The following EXT2 variants were observed in gnomAD, a reference collection of about 807,000 sequenced individuals.
The protein encoded by EXT2 is exostosin glycosyltransferase 2.
A neutral mutation model predicts 81.6 loss-of-function variants in EXT2; 53 were observed. The observed-to-expected ratio is 0.65, with a 90% CI of 0.52 to 0.82. EXT2 has a LOEUF of 0.82. Ranked by LOEUF, EXT2 falls within the 40% of genes least tolerant of loss-of-function variation. The probability of loss-of-function intolerance (pLI) is 0.00; values close to 1 mark genes in which losing one functional copy is unlikely to be tolerated. For synonymous variants in EXT2, 320 were observed against 340.0 expected (o/e 0.94, Z 0.65); for missense variants, 774 against 910.2 (o/e 0.85, Z 1.93).
Position 44,244,428 on chromosome 11 carries a change from C to A in EXT2, c.*141C>A. ...TCTTGGCATGCACCCACCTAACCCA[C>A]TTTCTCAAGAACAAGAACCTAGAAT... On this transcript the variant is annotated 3_prime_UTR_variant, in exon 14 of 14. Coordinates refer to ENST00000533608, the MANE Select transcript of EXT2 (RefSeq NM_207122.2). 1.2e-6 allele frequency: 1 copy of A among 808,558 alleles called. No homozygotes were observed. Among genetic ancestry groups the A allele is most frequent in the East Asian group, 2.6e-5 (1 of 38,770 alleles). 50.1% of individuals were successfully genotyped at this position (808,558 alleles called of 1,614,324 possible).
intron 10 of EXT2, among the ~76,000 whole-genome samples, chr11:44,213,167 G>C (rs943913023): frequency 6.6e-6 from 1 of 152,070 alleles, no homozygotes; most frequent in African/African-American, 2.4e-5. Flanking sequence ...GTGACCAAAA[G>C]TTCATTCCAT....
chr11:44,210,377 G>A (rs544640788), intron 10 of EXT2, among the ~76,000 whole-genome samples: 1 of 152,274 alleles, frequency 6.6e-6, no homozygotes, highest in East Asian at 1.9e-4. Flanking sequence ...ATTATGCTAA[G>A]TTAATGAAGC....
intron 10 of EXT2, among the ~76,000 whole-genome samples, chr11:44,224,949 A>G (rs7109109): frequency 0.11 from 16,305 of 152,244 alleles, 996 homozygotes; most frequent in Middle Eastern, 0.17. Context: ...TGTAGGATTT[A>G]AAGAGAATCA....
intron 13 of EXT2, among the ~76,000 whole-genome samples, chr11:44,243,312 G>A (rs1025882425): frequency 6.6e-6 from 1 of 152,116 alleles, no homozygotes; most frequent in Non-Finnish European, 1.5e-5. Flanking sequence ...AGCCATTCCC[G>A]AACACATGCC....
intron 1 of EXT2, among the ~76,000 whole-genome samples, chr11:44,100,377 G>A (rs925414714): frequency 6.6e-6 from 1 of 152,170 alleles, no homozygotes; most frequent in Non-Finnish European, 1.5e-5. Context: ...AGTATTAATT[G>A]AGGTGTTGGT....
At chr11:44,223,332 A>G (rs1021437735) in intron 10 of EXT2, among the ~76,000 whole-genome samples, 2 of 152,264 alleles carry the variant, frequency 1.3e-5, no homozygotes, top group Non-Finnish European at 2.9e-5. Flanking sequence ...CTATATGTGA[A>G]TGTTTGTAGC....
chr11:44,117,872 C>G (rs1294125025), intron 4 of EXT2, among the ~76,000 whole-genome samples: 1 of 152,202 alleles, frequency 6.6e-6, no homozygotes, highest in Non-Finnish European at 1.5e-5. Context: ...GGTGATCCTC[C>G]TGCCTCAGCC....
At chr11:44,208,842 T>C (rs905784384) in intron 10 of EXT2, among the ~76,000 whole-genome samples, 1 of 152,212 alleles carries the variant, frequency 6.6e-6, no homozygotes, top group Non-Finnish European at 1.5e-5. Flanking sequence ...TCTGACACTG[T>C]GCTGCCTTCC....
intron 8 of EXT2, among the ~76,000 whole-genome samples, chr11:44,197,318 A>G (rs907869526): frequency 2.6e-5 from 4 of 151,984 alleles, no homozygotes; most frequent in African/African-American, 9.7e-5. Context: ...TGTGAGTTTC[A>G]TTCCTGAACC....
At chr11:44,233,507 A>G (rs1955922885) in intron 11 of EXT2, among the ~76,000 whole-genome samples, 1 of 152,142 alleles carries the variant, frequency 6.6e-6, no homozygotes. Context: ...TTGATTTTAG[A>G]ATATTCAGTT....
At position 44,177,327 on chromosome 11, in the gene EXT2, G is replaced by A. The variant is rs530929425; in HGVS notation, c.1305+5585G>A. On this transcript the variant is annotated intron_variant, in intron 8 of 13. Coordinates refer to ENST00000533608, the MANE Select transcript of EXT2 (RefSeq NM_207122.2). ...TTTTCTCTCCTTTTTGCAAATATCA[G>A]CAAAGCTTTGTCATCTCCCTAAATA... Among the ~76,000 whole-genome samples, 3 of 152,152 alleles carry A rather than the reference G, an allele frequency of 2.0e-5. No individual in the cohort carries two copies. In the South Asian group the frequency reaches 6.2e-4, roughly 32 times the overall value.
At chr11:44,237,922 A>C (rs991355562) in intron 13 of EXT2, among the ~76,000 whole-genome samples, 13 of 150,980 alleles carry the variant, frequency 8.6e-5, no homozygotes, top group Admixed American at 5.3e-4. Context: ...AAAAAAAAAA[A>C]AAAAAAAACA....
At chr11:44,113,508 G>A (rs1008382883) in intron 3 of EXT2, among the ~76,000 whole-genome samples, 4 of 152,120 alleles carry the variant, frequency 2.6e-5, no homozygotes, top group African/African-American at 7.2e-5. Context: ...GGAGAGTAAC[G>A]GCTAGTACAA....
At chr11:44,193,087 A>C (rs1464397944) in intron 8 of EXT2, among the ~76,000 whole-genome samples, 1 of 152,242 alleles carries the variant, frequency 6.6e-6, no homozygotes, top group Non-Finnish European at 1.5e-5. Flanking sequence ...TAGCCAAAAC[A>C]TAATGAATAG....
chr11:44,139,262 A>G (rs1954613286), intron 7 of EXT2, among the ~76,000 whole-genome samples: 1 of 150,720 alleles, frequency 6.6e-6, no homozygotes, highest in Non-Finnish European at 1.5e-5. Flanking sequence ...TCCCCTTTCC[A>G]ATGGAAAAAA....
intron 10 of EXT2, among the ~76,000 whole-genome samples, chr11:44,222,187 G>T (rs916674652): frequency 1.3e-5 from 2 of 152,162 alleles, no homozygotes; most frequent in African/African-American, 4.8e-5. Flanking sequence ...TTAGGCTGAA[G>T]ATTTCAGGGG....
Position 44,206,952 on chromosome 11 carries a change from G to C in EXT2, c.1655G>C (p.Gly552Ala), listed in dbSNP as rs748811779. ...CTGACCTCTGACGAGCTGCAATTTG[G>C]TTATGAGGTAAGGAGGTTTTACACA... ...IMLTSDELQF[G>A]YEVWREFPDR... Residue 552 changes from glycine to alanine, a missense_variant, in exon 10 of 14, where the codon GGT (glycine) becomes GCT (alanine). Gly to Ala is a moderately conservative substitution (Grantham distance 60, BLOSUM62 0). This residue lies in a region of EXT2 where 148 missense variants were observed against 239.7 expected (regional missense o/e 0.62). Coordinates refer to ENST00000533608, the MANE Select transcript of EXT2 (RefSeq NM_207122.2). The C allele has an allele frequency of 1.9e-6, 3 of 1,614,016 alleles. No individual in the cohort carries two copies. The highest frequency in any genetic ancestry group is 2.2e-5 in the South Asian group (2 of 91,078).
intron 10 of EXT2, among the ~76,000 whole-genome samples, chr11:44,216,887 G>A (rs1955726325): frequency 6.6e-6 from 1 of 150,932 alleles, no homozygotes; most frequent in Admixed American, 6.6e-5. Flanking sequence ...TCACTCTCCA[G>A]GAGAAAGTTA....
chr11:44,150,432 G>A (rs1034820787), intron 7 of EXT2, among the ~76,000 whole-genome samples: 2 of 152,110 alleles, frequency 1.3e-5, no homozygotes, highest in Admixed American at 6.5e-5. Flanking sequence ...TGGAAATGTG[G>A]GATAAGGTAA....
Sources: allele counts gnomAD v4.1 joint callset (sites outside exome capture counted in the v4.1 genomes callset), GRCh38; gene constraint gnomAD v4.1.1; regional missense constraint gnomAD v4.1.1; transcripts MANE v1.5; gene names NCBI Gene and HGNC (gene_info 2026-07-23, HGNC 2026-07-21).